PPEF1: variants seen among roughly 807,000 people sequenced by gnomAD.
PPEF1 encodes the protein protein phosphatase with EF-hand domain 1, also known as serine/threonine-protein phosphatase with EF-hands 1.
Under a neutral mutation model 53.3 loss-of-function variants are expected in PPEF1, and 12 were observed. The observed-to-expected ratio is 0.23, with a 90% CI of 0.14 to 0.36. The LOEUF (loss-of-function observed/expected upper bound fraction) is 0.36, where lower values mean the gene tolerates loss of function less well. PPEF1 is among the 10% of genes least tolerant of loss of function. PPEF1 has a pLI of 1.00. For missense variants in PPEF1, 334 were observed against 490.4 expected, an observed-to-expected ratio of 0.68 and a Z score of 3.01; for synonymous variants, 165 against 176.7, an observed-to-expected ratio of 0.93 and a Z score of 0.52.
At chrX:18,821,804 A>AGAGAGAGAGAGAG (rs1569273883) in intron 13 of PPEF1, among the ~76,000 whole-genome samples, 6 of 68,601 alleles carry the variant, frequency 8.7e-5, no homozygotes, top group Admixed American at 3.2e-4. Context: ...AGAGAGAGAG[A>AGAGAGAGAGAGAG]AAACAAATAA....
At chrX:18,741,200 T>G (rs1312915278) in intron 3 of PPEF1, among the ~76,000 whole-genome samples, 3 of 111,915 alleles carry the variant, frequency 2.7e-5, no homozygotes, top group Non-Finnish European at 5.6e-5. Flanking sequence ...AAGACAGTTG[T>G]TTATGCTTCA....
At chrX:18,688,492 C>A (rs747853096) in intron 3 of PPEF1, among the ~76,000 whole-genome samples, 3 of 112,780 alleles carry the variant, frequency 2.7e-5, no homozygotes, top group Non-Finnish European at 5.6e-5. Context: ...TGTTACTTTT[C>A]TTTAAAACTA....
chrX:18,786,780 CAAAAA>C (rs761641178), intron 9 of PPEF1, among the ~76,000 whole-genome samples: 13 of 58,811 alleles, frequency 2.2e-4, no homozygotes, highest in Non-Finnish European at 2.7e-4. Context: ...AACACTATCT[CAAAAA>C]AAAAAAAAAA....
In PPEF1 at chrX:18,762,805, G is replaced by A. The variant is rs745464779; in HGVS notation, c.558+1229G>A. 3.6e-5 allele frequency among the ~76,000 whole-genome samples: 4 copies of A among 111,518 alleles called. No individual in the cohort carries two copies. The East Asian group carries it at 1.1e-3, about 32-fold the overall frequency. On this transcript the variant is annotated intron_variant, in intron 6 of 15. Coordinates refer to ENST00000470157, the MANE Select transcript of PPEF1 (RefSeq NM_001377996.1). ...GTGGGTTTTAGCTGGCTTCTTTACTGCAACTGTTTTATTAGGTTGGTGCAA... is the reference window on the plus strand; with the variant it reads ...GTGGGTTTTAGCTGGCTTCTTTACTACAACTGTTTTATTAGGTTGGTGCAA...
intron 1 of PPEF1, 79 bp from the exon 2 acceptor site, chrX:18,730,102 T>A: frequency 3.9e-6 from 4 of 1,028,571 alleles, no homozygotes; most frequent in Non-Finnish European, 3.9e-6. Context: ...TGCTTTTTTT[T>A]TCCACTGAAG....
chrX:18,753,411 GGTTT>G (rs1408696426), intron 4 of PPEF1, among the ~76,000 whole-genome samples: 1 of 111,371 alleles, frequency 9.0e-6, no homozygotes, highest in Admixed American at 9.6e-5. Flanking sequence ...CTTGCTTAAA[GGTTT>G]GTTAATTTTG....
intron 10 of PPEF1, among the ~76,000 whole-genome samples, chrX:18,794,456 G>A (rs752190617): frequency 2.7e-5 from 3 of 112,978 alleles, no homozygotes; most frequent in South Asian, 3.6e-4. Context: ...CTGTGCCATC[G>A]CACTGCAGCT....
At chrX:18,738,522 G>A (rs2045053303) in intron 3 of PPEF1, among the ~76,000 whole-genome samples, 1 of 111,939 alleles carries the variant, frequency 8.9e-6, no homozygotes, top group Non-Finnish European at 1.9e-5. Context: ...TTCCCTTTGT[G>A]GGTAACCCGA....
chrX:18,743,303 C>A (rs757759557), intron 3 of PPEF1, among the ~76,000 whole-genome samples: 2 of 111,398 alleles, frequency 1.8e-5, no homozygotes, highest in Non-Finnish European at 3.8e-5. Context: ...TGCTCCATAT[C>A]CTCACCAACA....
rs999262346 is a variant in PPEF1 at position 18,811,299 on chromosome X, C to T, written c.1394+4754C>T. Among the ~76,000 whole-genome samples, 4 of 110,762 alleles carry T rather than the reference C, an allele frequency of 3.6e-5. No homozygotes were observed. In the East Asian group the frequency reaches 8.6e-4, roughly 24 times the overall value. ...AACTCCTGACCTCAGGTGATTTGCC[C>T]GCCTCGGCCTCCCAAAGTGCTGGGA... On this transcript the variant is annotated intron_variant, in intron 12 of 15. Transcript: ENST00000470157.
intron 7 of PPEF1, among the ~76,000 whole-genome samples, chrX:18,780,468 T>C (rs1314762709): frequency 8.9e-6 from 1 of 111,812 alleles, no homozygotes; most frequent in East Asian, 2.8e-4. Flanking sequence ...GCTGGAGACA[T>C]AAGAAATGAT....
intron 12 of PPEF1, among the ~76,000 whole-genome samples, chrX:18,814,266 C>T (rs754562392): frequency 2.7e-5 from 3 of 111,480 alleles, no homozygotes; most frequent in South Asian, 3.7e-4. Flanking sequence ...AGGTTGATTC[C>T]GTGTTTTTGC....
At chrX:18,823,810 A>G in intron 13 of PPEF1, 113 bp from the exon 14 acceptor site, 1 of 831,531 alleles carries the variant, frequency 1.2e-6, no homozygotes, top group Non-Finnish European at 1.7e-6. Flanking sequence ...CTGGGAGGAT[A>G]AATTATGAGG....
chrX:18,739,351 A>T (rs2045083781), intron 3 of PPEF1, among the ~76,000 whole-genome samples: 3 of 112,224 alleles, frequency 2.7e-5, no homozygotes, highest in Admixed American at 9.5e-5. Context: ...TTTCCTTCTA[A>T]CAGTCAGGAC....
At chrX:18,783,278 A>G (rs1417027541) in intron 8 of PPEF1, among the ~76,000 whole-genome samples, 3 of 109,633 alleles carry the variant, frequency 2.7e-5, no homozygotes, top group Non-Finnish European at 5.7e-5. Flanking sequence ...AGAGCTCCAT[A>G]AAGAAGGTAG....
intron 1 of PPEF1, among the ~76,000 whole-genome samples, chrX:18,716,855 C>G (rs1031496353): frequency 1.8e-5 from 2 of 110,233 alleles, no homozygotes; most frequent in African/African-American, 3.3e-5. Context: ...GAACTCGGAC[C>G]GTCCTCATTT....
intron 3 of PPEF1, among the ~76,000 whole-genome samples, chrX:18,738,743 CCAGT>C (rs2045061601): frequency 8.9e-6 from 1 of 112,521 alleles, no homozygotes. Flanking sequence ...TTCCATTCTC[CCAGT>C]CACTTTCAGG....
chrX:18,747,110 G>C, intron 3 of PPEF1, among the ~76,000 whole-genome samples: 1 of 111,634 alleles, frequency 9.0e-6, no homozygotes. Flanking sequence ...GAGAAAGCAA[G>C]GGTAGTCCAG....
At chrX:18,750,708 C>T (rs2045424693) in intron 4 of PPEF1, among the ~76,000 whole-genome samples, 1 of 111,726 alleles carries the variant, frequency 9.0e-6, no homozygotes, top group Non-Finnish European at 1.9e-5. Context: ...TATGCTGGAT[C>T]ATGTGGTAAC....
Sources: allele counts gnomAD v4.1 joint callset (sites outside exome capture counted in the v4.1 genomes callset), GRCh38; gene constraint gnomAD v4.1.1; transcripts MANE v1.5; gene names NCBI Gene and HGNC (gene_info 2026-07-23, HGNC 2026-07-21).